PPP1R1C: variants seen among roughly 807,000 people sequenced by gnomAD.
PPP1R1C encodes protein phosphatase 1 regulatory subunit 1C.
A neutral mutation model predicts 17.4 loss-of-function variants in PPP1R1C; 15 were observed. The observed-to-expected ratio is 0.86, with a 90% CI of 0.58 to 1.33. The LOEUF is 1.33. Among genes scored for constraint, PPP1R1C ranks in the 40% most tolerant of loss-of-function variants. The pLI is 0.00. For missense variants in PPP1R1C, 143 were observed against 130.0 expected, an observed-to-expected ratio of 1.10 and a Z score of -0.48; for synonymous variants, 35 against 43.1, an observed-to-expected ratio of 0.81 and a Z score of 0.73.
In PPP1R1C at chr2:182,117,247, TGAA is replaced by T. The variant is rs572633940; in HGVS notation, c.293_295del (p.Glu98del). On this transcript the variant is annotated inframe_deletion, in exon 5 of 5. Coordinates refer to ENST00000682840, the MANE Select transcript of PPP1R1C (RefSeq NM_001080545.3). Reference sequence around the variant, plus strand: ...AAGGCCAGAATGAATCAGCATTCCCTGAAGAAGAAGAAGGCACCAATGAAAGAG... The same window carrying T: ...AAGGCCAGAATGAATCAGCATTCCCTGAAGAAGAAGGCACCAATGAAAGAG... 1.8e-4 allele frequency: 278 copies of T among 1,558,116 alleles called. 2 individuals carry two copies. In the African/African-American group the frequency reaches 2.8e-3, roughly 16 times the overall value.
intron 4 of PPP1R1C, among the ~76,000 whole-genome samples, chr2:182,075,130 C>A (rs1688255606): frequency 6.6e-6 from 1 of 152,154 alleles, no homozygotes; most frequent in Admixed American, 6.5e-5. Flanking sequence ...GGTATAATTA[C>A]CAATGGGAGC....
At chr2:182,066,675 A>T (rs1204601832) in intron 4 of PPP1R1C, among the ~76,000 whole-genome samples, 1 of 152,154 alleles carries the variant, frequency 6.6e-6, no homozygotes, top group East Asian at 1.9e-4. Flanking sequence ...AAATGACAGA[A>T]GTTGAAGTTT....
At chr2:182,099,906 T>C (rs1363296794) in intron 4 of PPP1R1C, among the ~76,000 whole-genome samples, 1 of 152,150 alleles carries the variant, frequency 6.6e-6, no homozygotes, top group Non-Finnish European at 1.5e-5. Flanking sequence ...GCTGTGAAGA[T>C]TTTGACCTCT....
At chr2:182,114,908 G>T (rs1689538661) in intron 4 of PPP1R1C, among the ~76,000 whole-genome samples, 1 of 152,196 alleles carries the variant, frequency 6.6e-6, no homozygotes, top group Non-Finnish European at 1.5e-5. Flanking sequence ...CTATTCTCAA[G>T]TGTGGAAAGT....
intron 4 of PPP1R1C, among the ~76,000 whole-genome samples, chr2:182,067,157 T>C (rs1688008878): frequency 6.6e-6 from 1 of 152,126 alleles, no homozygotes; most frequent in South Asian, 2.1e-4. Flanking sequence ...CCAGTCAGAT[T>C]TTTCATTTAC....
chr2:182,002,425 C>T lies in PPP1R1C; in HGVS notation c.142+14526C>T, dbSNP rs142821372. 3.3e-5 allele frequency among the ~76,000 whole-genome samples: 5 copies of T among 152,140 alleles called. No homozygotes were observed. In the East Asian group the frequency reaches 7.7e-4, roughly 23 times the overall value. Reference sequence around the variant, plus strand: ...ACGATTACCTGCTCCAAATTTTATACTCTAAGAAATATATGTAAACTGAAA... The same window carrying T: ...ACGATTACCTGCTCCAAATTTTATATTCTAAGAAATATATGTAAACTGAAA... On this transcript the variant is annotated intron_variant, in intron 2 of 4. Transcript: ENST00000682840.
At chr2:182,072,432 C>T (rs1239339652) in intron 4 of PPP1R1C, among the ~76,000 whole-genome samples, 1 of 152,142 alleles carries the variant, frequency 6.6e-6, no homozygotes, top group Non-Finnish European at 1.5e-5. Flanking sequence ...TCAACATATA[C>T]AATGTGCTTT....
intron 2 of PPP1R1C, among the ~76,000 whole-genome samples, chr2:182,021,635 G>C (rs567884893): frequency 6.6e-6 from 1 of 152,198 alleles, no homozygotes; most frequent in South Asian, 2.1e-4. Flanking sequence ...AAAAAAAATG[G>C]TTATTTTCTT....
intron 4 of PPP1R1C, among the ~76,000 whole-genome samples, chr2:182,112,637 C>G (rs1689475613): frequency 6.6e-6 from 1 of 152,140 alleles, no homozygotes; most frequent in African/African-American, 2.4e-5. Flanking sequence ...AAGCAAGTCA[C>G]TTTACCATCT....
intron 2 of PPP1R1C, among the ~76,000 whole-genome samples, chr2:182,050,473 C>T (rs1434196523): frequency 1.3e-5 from 2 of 152,192 alleles, no homozygotes; most frequent in Non-Finnish European, 2.9e-5. Context: ...TACAAAAGTG[C>T]TGCCTCTGCA....
At position 182,061,441 on chromosome 2, in the gene PPP1R1C, GA is replaced by G; in HGVS notation, c.145del (p.Ile49Ter). ...ATACATTCTACCTACTTCTCTTACAGAAATAGATGACAAGAGGGGGCCCAAC... is the reference window on the plus strand; with the variant it reads ...ATACATTCTACCTACTTCTCTTACAGAATAGATGACAAGAGGGGGCCCAAC... The part of the protein sequence containing the change: ...LVILNEHNPP[E>X]IDDKRGPNTQ... On this transcript the variant is annotated frameshift_variant and splice_region_variant, in exon 3 of 5. Transcript: ENST00000682840. LOFTEE classifies it high-confidence loss of function. 1 of 1,466,954 alleles carries G rather than the reference GA, an allele frequency of 6.8e-7. No homozygotes were observed. The highest frequency in any genetic ancestry group is 9.1e-7 in the Non-Finnish European group (1 of 1,104,166). The allele number at this position is 1,466,954 out of a possible 1,614,324, so 90.9% of individuals were successfully genotyped here.
intron 5 of PPP1R1C, among the ~76,000 whole-genome samples, chr2:182,124,627 G>T: frequency 6.6e-6 from 1 of 152,040 alleles, no homozygotes. Context: ...CTCGTAAGTT[G>T]CATTCCTAGG....
In PPP1R1C at chr2:182,044,218, C is replaced by T. The variant is rs149262411; in HGVS notation, c.143-17224C>T. On this transcript the variant is annotated intron_variant, in intron 2 of 4. Transcript: ENST00000682840. ...CATAACTGTCAGAATGATCTTTCTA[C>T]GAAAGAAATCTGGTCATGCCTCTTT... 3.3e-3 allele frequency among the ~76,000 whole-genome samples: 505 copies of T among 152,258 alleles called. 3 individuals are homozygous for T. The highest frequency in any genetic ancestry group is 0.012 in the African/African-American group (483 of 41,548).
rs754279543 is a variant in PPP1R1C at position 182,017,382 on chromosome 2, AT to A, written c.142+29489del. Among the ~76,000 whole-genome samples, 8 of 152,184 alleles carry A rather than the reference AT, an allele frequency of 5.3e-5. No homozygotes were observed. In the East Asian group the frequency reaches 9.6e-4, roughly 18 times the overall value. On this transcript the variant is annotated intron_variant, in intron 2 of 4. Transcript: ENST00000682840. ...ATATTGTTAAATCACTATCACCAGA[AT>A]TTTTTAAATTCACTCTAATTTTTAT...
chr2:181,997,598 GATTAA>G (rs1473854375), intron 2 of PPP1R1C, among the ~76,000 whole-genome samples: 1 of 152,080 alleles, frequency 6.6e-6, no homozygotes, highest in Non-Finnish European at 1.5e-5. Flanking sequence ...TAATGAGATT[GATTAA>G]ATTATTTTTT....
intron 1 of PPP1R1C, among the ~76,000 whole-genome samples, chr2:181,968,651 A>G (rs1684949682): frequency 1.3e-5 from 2 of 151,900 alleles, no homozygotes; most frequent in African/African-American, 2.4e-5. Context: ...CCGTTCAGCC[A>G]CTCTATGGCT....
At chr2:182,039,564 T>C (rs1237624804) in intron 2 of PPP1R1C, among the ~76,000 whole-genome samples, 2 of 152,132 alleles carry the variant, frequency 1.3e-5, no homozygotes, top group Non-Finnish European at 2.9e-5. Flanking sequence ...TTTTGTGTAT[T>C]TGTAGAGCTA....
chr2:182,124,327 G>GTTTTTTTTTTTGT (rs1689817520), intron 5 of PPP1R1C, among the ~76,000 whole-genome samples: 4 of 83,000 alleles, frequency 4.8e-5, no homozygotes, highest in Admixed American at 2.5e-4. Flanking sequence ...TTTTTTTTTT[G>GTTTTTTTTTTTGT]TTTTTTTTTT....
At position 181,962,356 on chromosome 2, in the gene PPP1R1C, GC is replaced by G; in HGVS notation, n.111+7727del. 67 of 935,546 alleles carry G rather than the reference GC, an allele frequency of 7.2e-5. No homozygotes were observed. The highest frequency in any genetic ancestry group is 3.2e-4 in the Middle Eastern group (1 of 3,100). The allele number at this position is 935,546 out of a possible 1,614,324, so 58.0% of individuals were successfully genotyped here. On this transcript the variant is annotated intron_variant and non_coding_transcript_variant, in intron 1 of 5. Coordinates refer to the PPP1R1C transcript ENST00000464264. The surrounding 1 kb of genome is among the most constrained non-coding windows in gnomAD (Gnocchi z 6.0). Reference sequence around the variant, plus strand: ...GGGACACGGATATCCGGGAACCAGAGCCCCCGGCGCCTGCATAGACGCTGGC... The same window carrying G: ...GGGACACGGATATCCGGGAACCAGAGCCCCGGCGCCTGCATAGACGCTGGC...
Sources: gnomAD v4.1 joint callset for allele counts (sites outside exome capture counted in the v4.1 genomes callset) on GRCh38, gnomAD v4.1.1 for gene constraint, Gnocchi (gnomAD v3.1) non-coding constraint, MANE v1.5 for transcripts, NCBI Gene and HGNC (gene_info 2026-07-23, HGNC 2026-07-21) for gene names.